The following DAB2IP variants were observed in gnomAD, a reference collection of about 807,000 sequenced individuals.
DAB2IP encodes disabled homolog 2-interacting protein.
Under a neutral mutation model 107.2 loss-of-function variants are expected in DAB2IP, and 28 were observed. That is an observed-to-expected ratio of 0.26 (90% CI 0.19 to 0.36). The LOEUF is 0.36. DAB2IP is among the 10% of genes least tolerant of loss of function. The pLI is 1.00. For synonymous variants in DAB2IP, 755 were observed against 706.4 expected (o/e 1.07, Z -1.09); for missense variants, 1,400 against 1,644.7 (o/e 0.85, Z 2.57).
rs1564224222 is a variant in DAB2IP, at chr9:121,772,754, T to G, written c.2226T>G (p.Gly742=). The change falls in exon 12 of 16, where the codon GGT becomes GGG. Residue 742 remains glycine (G), a synonymous_variant. Coordinates refer to ENST00000408936, the Ensembl canonical transcript of DAB2IP. The surrounding 1 kb of genome is among the most constrained non-coding windows in gnomAD (Gnocchi z 4.7). ...AGCCTGATCTTCAGATGGCCAACGG[T>G]GGCAAGAGCCTCTCCATGGTGGACC... 6.2e-7 allele frequency: 1 copy of G among 1,613,894 alleles called. No individual in the cohort carries two copies. Among genetic ancestry groups the G allele is most frequent in the Admixed American group, 1.7e-5 (1 of 60,020 alleles).
intron 1 of DAB2IP, among the ~76,000 whole-genome samples, chr9:121,625,413 T>A (rs1032458048): frequency 2.0e-5 from 3 of 152,162 alleles, no homozygotes; most frequent in South Asian, 2.1e-4. Context: ...GAACTCTTTT[T>A]TTTTTTAAAT....
chr9:121,621,955 C>A (rs1406956530), intron 1 of DAB2IP, among the ~76,000 whole-genome samples: 1 of 149,856 alleles, frequency 6.7e-6, no homozygotes, highest in Non-Finnish European at 1.5e-5. Flanking sequence ...ATGCCTGACC[C>A]TGTTTGTGTT....
intron 3 of DAB2IP, among the ~76,000 whole-genome samples, chr9:121,724,913 G>A (rs1356758953): frequency 2.6e-5 from 4 of 152,174 alleles, no homozygotes; most frequent in African/African-American, 9.7e-5. Flanking sequence ...GTGAGGCCAA[G>A]GAGGGGGTGA....
intron 1 of DAB2IP, among the ~76,000 whole-genome samples, chr9:121,569,067 T>A (rs1236552329): frequency 6.6e-6 from 1 of 152,206 alleles, no homozygotes; most frequent in Non-Finnish European, 1.5e-5. Context: ...CCAGGCTCTC[T>A]CTGGGAGCAA....
At chr9:121,692,083 A>T (rs1829192722) in intron 2 of DAB2IP, among the ~76,000 whole-genome samples, 1 of 152,056 alleles carries the variant, frequency 6.6e-6, no homozygotes, top group Non-Finnish European at 1.5e-5. Flanking sequence ...TGGGCTCCTA[A>T]CTCTGGAGCT....
chr9:121,659,445 C>T (rs765447775), intron 1 of DAB2IP, among the ~76,000 whole-genome samples: 18 of 152,082 alleles, frequency 1.2e-4, no homozygotes, highest in Non-Finnish European at 2.2e-4. Context: ...TATGATGCAG[C>T]ATAGGGTGTC....
intron 3 of DAB2IP, among the ~76,000 whole-genome samples, chr9:121,728,039 G>C (rs2118843824): frequency 6.6e-6 from 1 of 152,238 alleles, no homozygotes; most frequent in East Asian, 1.9e-4. Context: ...GTCTTTTTTG[G>C]GCTCAGGGCA....
chr9:121,611,164 A>G (rs1209004741), intron 1 of DAB2IP, among the ~76,000 whole-genome samples: 2 of 152,108 alleles, frequency 1.3e-5, no homozygotes, highest in Admixed American at 6.6e-5. Flanking sequence ...AGTAGAAACT[A>G]GATTTTGCCA....
At chr9:121,674,554 A>G (rs1833811440) in intron 1 of DAB2IP, among the ~76,000 whole-genome samples, 1 of 152,086 alleles carries the variant, frequency 6.6e-6, no homozygotes, top group Admixed American at 6.5e-5. Flanking sequence ...GGAGGGGTGT[A>G]GCCAGGGCTT....
chr9:121,573,284 T>G (rs376187290), intron 1 of DAB2IP, among the ~76,000 whole-genome samples: 1 of 151,968 alleles, frequency 6.6e-6, no homozygotes, highest in Non-Finnish European at 1.5e-5. Flanking sequence ...GCCATGTTGG[T>G]CAAGCTGGTC....
intron 3 of DAB2IP, among the ~76,000 whole-genome samples, chr9:121,710,467 C>G (rs1830285175): frequency 6.6e-6 from 1 of 152,168 alleles, no homozygotes; most frequent in African/African-American, 2.4e-5. Flanking sequence ...CAACTTATCA[C>G]TTATTCTCAA....
chr9:121,696,292 G>C (rs555740598), intron 2 of DAB2IP, among the ~76,000 whole-genome samples: 2 of 152,292 alleles, frequency 1.3e-5, no homozygotes, highest in African/African-American at 4.8e-5. Context: ...GGTTTGACTT[G>C]GTTCTTAGCC....
At chr9:121,713,484 C>T (rs533182177) in intron 3 of DAB2IP, among the ~76,000 whole-genome samples, 2 of 152,292 alleles carry the variant, frequency 1.3e-5, no homozygotes, top group Admixed American at 6.5e-5. Flanking sequence ...ACACCATTCC[C>T]GACTCTCACC....
chr9:121,747,855 C>CG (rs1832824214), intron 3 of DAB2IP, among the ~76,000 whole-genome samples: 1 of 128,756 alleles, frequency 7.8e-6, no homozygotes. Context: ...CCTCCTCCCC[C>CG]GCAAAAAAAA....
Position 121,699,530 on chromosome 9 carries a change from AGCGCGAGCCCGGCCCG to A in DAB2IP, c.362+74_362+89del, listed in dbSNP as rs963566440. 2.6e-6 allele frequency: 3 copies of A among 1,163,382 alleles called. No homozygotes were observed. Among genetic ancestry groups the A allele is most frequent in the African/African-American group, 1.6e-5 (1 of 60,926 alleles). 72.1% of individuals were successfully genotyped at this position (1,163,382 alleles called of 1,614,324 possible). A position where few individuals can be genotyped will look rare whatever the true frequency, so the allele number is the denominator to read the frequency against. ...TGCGCCCCTGAGGACGCGGGGACAA[AGCGCGAGCCCGGCCCG>A]GGGCGAGCCACACGGCGGTGGGGGG... On this transcript the variant is annotated intron_variant, in intron 3 of 15. Coordinates refer to ENST00000408936, the Ensembl canonical transcript of DAB2IP. The surrounding 1 kb of genome is among the most constrained non-coding windows in gnomAD (Gnocchi z 6.2).
chr9:121,741,333 T>TGCCATGACCACAC (rs1832327461), intron 3 of DAB2IP, among the ~76,000 whole-genome samples: 1 of 152,196 alleles, frequency 6.6e-6, no homozygotes. Flanking sequence ...CCGGATCACA[T>TGCCATGACCACAC]GCCATGACCA....
At chr9:121,659,735 A>G (rs557630717) in intron 1 of DAB2IP, among the ~76,000 whole-genome samples, 28 of 152,146 alleles carry the variant, frequency 1.8e-4, no homozygotes, top group Non-Finnish European at 3.7e-4. Context: ...CTGAGCTTGC[A>G]GTGAGCCGAG....
chr9:121,747,632 C>T (rs1308796707), intron 3 of DAB2IP, among the ~76,000 whole-genome samples: 1 of 152,120 alleles, frequency 6.6e-6, no homozygotes, highest in Non-Finnish European at 1.5e-5. Context: ...CAGGCGTGAG[C>T]CACCGCGCCC....
intron 2 of DAB2IP, among the ~76,000 whole-genome samples, chr9:121,694,816 G>A (rs1057064277): frequency 5.3e-5 from 8 of 152,148 alleles, no homozygotes; most frequent in East Asian, 1.9e-4. Flanking sequence ...ACGCCCAGCC[G>A]TCAGGGAATG....
Sources: gnomAD v4.1 joint callset for allele counts (sites outside exome capture counted in the v4.1 genomes callset) on GRCh38, gnomAD v4.1.1 for gene constraint, Gnocchi (gnomAD v3.1) non-coding constraint, MANE v1.5 for transcripts, NCBI Gene and HGNC (gene_info 2026-07-23, HGNC 2026-07-21) for gene names.